The following RBFOX3 variants were observed in gnomAD, a reference collection of about 807,000 sequenced individuals.
The protein encoded by RBFOX3 is RNA binding fox-1 homolog 3.
RBFOX3 carries 17 observed loss-of-function variants against 48.7 expected under a neutral mutation model. The observed-to-expected ratio is 0.35, with a 90% CI of 0.24 to 0.52. The LOEUF is 0.52. Among genes scored for constraint, RBFOX3 ranks in the 20% least tolerant of loss-of-function variants. The probability of loss-of-function intolerance (pLI) is 0.94; values close to 1 mark genes in which losing one functional copy is unlikely to be tolerated. For missense variants in RBFOX3, 382 were observed against 497.5 expected (o/e 0.77, Z 2.21); for synonymous variants, 212 against 209.5 (o/e 1.01, Z -0.10).
intron 2 of RBFOX3, among the ~76,000 whole-genome samples, chr17:79,354,510 C>T (rs2084588673): frequency 1.3e-5 from 2 of 152,278 alleles, no homozygotes; most frequent in African/African-American, 2.4e-5. Flanking sequence ...TAGTTCAGCC[C>T]TTTCAGTCTT....
At chr17:79,314,410 G>A (rs2077254122) in intron 2 of RBFOX3, among the ~76,000 whole-genome samples, 1 of 152,136 alleles carries the variant, frequency 6.6e-6, no homozygotes, top group South Asian at 2.1e-4. Flanking sequence ...AGGAGACTGA[G>A]ATCGCATACG....
chr17:79,581,272 A>G (rs2093049881), intron 1 of RBFOX3, among the ~76,000 whole-genome samples: 1 of 152,130 alleles, frequency 6.6e-6, no homozygotes, highest in East Asian at 1.9e-4. Context: ...CAAACAAAAA[A>G]ACAAACAAAC....
intron 2 of RBFOX3, among the ~76,000 whole-genome samples, chr17:79,357,414 G>A (rs2085370608): frequency 6.6e-6 from 1 of 152,210 alleles, no homozygotes; most frequent in African/African-American, 2.4e-5. Context: ...AATCACCTGA[G>A]GTCAGGAGCT....
intron 3 of RBFOX3, among the ~76,000 whole-genome samples, chr17:79,283,110 C>T (rs186940589): frequency 3.9e-5 from 6 of 152,292 alleles, no homozygotes; most frequent in East Asian, 1.9e-4. Flanking sequence ...GGGAAGAAAA[C>T]GCTTGCTAAA....
intron 1 of RBFOX3, among the ~76,000 whole-genome samples, chr17:79,555,767 T>C (rs2091693110): frequency 1.3e-5 from 2 of 152,238 alleles, no homozygotes; most frequent in South Asian, 4.1e-4. Flanking sequence ...GTGATGGCGA[T>C]GGTAATGGTG....
chr17:79,513,349 C>T (rs2084777245), intron 1 of RBFOX3, among the ~76,000 whole-genome samples: 1 of 152,206 alleles, frequency 6.6e-6, no homozygotes, highest in African/African-American at 2.4e-5. Flanking sequence ...CAGGCATGGC[C>T]CCACGGCCAG....
At chr17:79,107,374 A>T (rs2077579719) in intron 5 of RBFOX3, among the ~76,000 whole-genome samples, 2 of 152,212 alleles carry the variant, frequency 1.3e-5, no homozygotes, top group Admixed American at 1.3e-4. Context: ...GGCGTGGCCA[A>T]GTCCAGTCCT....
Position 79,089,376 on chromosome 17 carries a change from A to AATC in RBFOX3, c.*1504_*1506dup, listed in dbSNP as rs1407682532. 1 of 152,644 alleles carries AATC rather than the reference A, an allele frequency of 6.6e-6. No individual in the cohort carries two copies. The highest frequency in any genetic ancestry group is 6.5e-5 in the Admixed American group (1 of 15,288). The allele number at this position is 152,644 out of a possible 1,614,324, so 9.5% of individuals were successfully genotyped here. On this transcript the variant is annotated 3_prime_UTR_variant, in exon 15 of 15. Coordinates refer to ENST00000693108, the MANE Select transcript of RBFOX3 (RefSeq NM_001350451.2). ...TTTGAAGAAAGAAATCTTTATTAAT[A>AATC]ATCTTAATAATACTGTTAGTTTGAA...
chr17:79,106,881 T>C, intron 5 of RBFOX3, 93 bp from the exon 6 acceptor site: 1 of 1,289,116 alleles, frequency 7.8e-7, no homozygotes, highest in Non-Finnish European at 9.7e-7. Context: ...AAAGGCCAGA[T>C]TCTCCCCACC....
At position 79,096,948 on chromosome 17, in the gene RBFOX3, G is replaced by A. The variant is rs1460562760; in HGVS notation, c.756-115C>T. On this transcript the variant is annotated intron_variant, in intron 11 of 14. Transcript: ENST00000693108. Reference sequence around the variant, plus strand: ...CAGCTGTGCCCCCCACCCCTTTAGTGATGGAGGGCACCAGACCCCAGGGAA... The same window carrying A: ...CAGCTGTGCCCCCCACCCCTTTAGTAATGGAGGGCACCAGACCCCAGGGAA... The A allele has an allele frequency of 1.8e-5, 11 of 602,178 alleles. No homozygotes were observed. In the East Asian group the frequency reaches 2.5e-4, roughly 14 times the overall value. 37.3% of individuals were successfully genotyped at this position (602,178 alleles called of 1,614,324 possible).
chr17:79,407,197 G>A (rs978353120), intron 2 of RBFOX3, among the ~76,000 whole-genome samples: 6 of 152,184 alleles, frequency 3.9e-5, no homozygotes, highest in Admixed American at 6.5e-5. Context: ...TAGTAGAGAC[G>A]GGGTTTTGCC....
chr17:79,357,059 G>A (rs1346220682), intron 2 of RBFOX3, among the ~76,000 whole-genome samples: 1 of 152,218 alleles, frequency 6.6e-6, no homozygotes, highest in African/African-American at 2.4e-5. Context: ...CCTCCATGTG[G>A]CATTCCTGCT....
intron 2 of RBFOX3, among the ~76,000 whole-genome samples, chr17:79,373,895 GT>G (rs11325916): frequency 0.19 from 29,025 of 151,860 alleles, 3,112 homozygotes; most frequent in East Asian, 0.24. Flanking sequence ...TCTCACTCTT[GT>G]CGCCCAGGCT....
chr17:79,485,120 C>T (rs1298301517), intron 1 of RBFOX3, among the ~76,000 whole-genome samples: 1 of 152,156 alleles, frequency 6.6e-6, no homozygotes, highest in Non-Finnish European at 1.5e-5. Flanking sequence ...TGCCCAGGGC[C>T]TGGGCGAGAG....
At chr17:79,094,118 G>A (rs1336435340) in intron 14 of RBFOX3, 2 of 388,148 alleles carry the variant, frequency 5.2e-6, no homozygotes, top group African/African-American at 4.1e-5. Flanking sequence ...TGGTTTCTGA[G>A]GTTTTCCTGG....
intron 3 of RBFOX3, among the ~76,000 whole-genome samples, chr17:79,251,110 G>C (rs551135746): frequency 7.9e-5 from 12 of 152,132 alleles, no homozygotes; most frequent in African/African-American, 2.9e-4. Flanking sequence ...GCCTATCCCT[G>C]TTTCTGATGT....
chr17:79,600,588 C>A (rs1352406862), intron 1 of RBFOX3: 1 of 152,128 alleles, frequency 6.6e-6, no homozygotes, highest in Non-Finnish European at 1.5e-5. Flanking sequence ...GTGAGGAGAC[C>A]CCCGGGGTCT....
chr17:79,360,901 T>C (rs1384646382), intron 2 of RBFOX3, among the ~76,000 whole-genome samples: 1 of 151,768 alleles, frequency 6.6e-6, no homozygotes, highest in African/African-American at 2.4e-5. Flanking sequence ...TTGAAATTAG[T>C]TGTGATAAAA....
At chr17:79,655,516 T>A in the RBFOX3 span, among the ~76,000 whole-genome samples, 1 of 152,200 alleles carries the variant, frequency 6.6e-6, no homozygotes, top group Admixed American at 6.5e-5. Flanking sequence ...AAGCCTAAAG[T>A]TTTACCTTCT....
Sources: allele counts gnomAD v4.1 joint callset (sites outside exome capture counted in the v4.1 genomes callset), GRCh38; gene constraint gnomAD v4.1.1; transcripts MANE v1.5; gene names NCBI Gene and HGNC (gene_info 2026-07-23, HGNC 2026-07-21).